DLG2: variants seen among roughly 807,000 people sequenced by gnomAD.
DLG2 encodes disks large homolog 2.
In DLG2, 45 loss-of-function variants were observed where a neutral mutation model predicts 132.5. The ratio of observed to expected loss-of-function variants is 0.34; its 90% CI spans 0.27 to 0.44. The LOEUF is 0.44. Among genes scored for constraint, DLG2 ranks in the 20% least tolerant of loss-of-function variants. The pLI, the probability that DLG2 is intolerant of heterozygous loss-of-function variation, is 1.00. For missense variants in DLG2, 1,045 were observed against 1,196.9 expected (o/e 0.87, Z 1.87); for synonymous variants, 424 against 419.6 (o/e 1.01, Z -0.13).
chr11:85,491,134 C>T (rs1470248273), intron 3 of DLG2, among the ~76,000 whole-genome samples: 1 of 151,920 alleles, frequency 6.6e-6, no homozygotes, highest in Non-Finnish European at 1.5e-5. Flanking sequence ...ATGCAACAAA[C>T]GTGATACCTT....
intron 21 of DLG2, among the ~76,000 whole-genome samples, chr11:83,500,975 C>T (rs2094427299): frequency 6.6e-6 from 1 of 152,042 alleles, no homozygotes; most frequent in African/African-American, 2.4e-5. Flanking sequence ...TTTCAAAATA[C>T]TATGGCTTAT....
intron 18 of DLG2, among the ~76,000 whole-genome samples, chr11:83,777,232 T>C (rs1262594035): frequency 6.6e-6 from 1 of 152,166 alleles, no homozygotes; most frequent in Non-Finnish European, 1.5e-5. Context: ...ACATGATAAA[T>C]GTGAGGAAGC....
At chr11:83,678,843 A>AT (rs2078228764) in intron 18 of DLG2, among the ~76,000 whole-genome samples, 1 of 152,162 alleles carries the variant, frequency 6.6e-6, no homozygotes, top group African/African-American at 2.4e-5. Flanking sequence ...TTTATGTTTC[A>AT]TTTTTTATAT....
chr11:84,910,131 G>A (rs1281800707), intron 6 of DLG2, among the ~76,000 whole-genome samples: 1 of 152,226 alleles, frequency 6.6e-6, no homozygotes, highest in Admixed American at 6.5e-5. Context: ...TCTTCCTAAT[G>A]AGAATGGGCA....
intron 7 of DLG2, among the ~76,000 whole-genome samples, chr11:84,487,132 G>C (rs924341659): frequency 2.6e-5 from 4 of 151,964 alleles, no homozygotes; most frequent in African/African-American, 9.7e-5. Flanking sequence ...AAAAACTATG[G>C]GAAAAGGTAC....
chr11:83,969,872 C>T (rs768199418), intron 12 of DLG2, among the ~76,000 whole-genome samples: 104 of 151,590 alleles, frequency 6.9e-4, no homozygotes, highest in African/African-American at 2.2e-3. Context: ...CACACCTGGC[C>T]GATAATGAAT....
chr11:85,062,366 G>C (rs1324714809), intron 6 of DLG2, among the ~76,000 whole-genome samples: 1 of 151,716 alleles, frequency 6.6e-6, no homozygotes, highest in Non-Finnish European at 1.5e-5. Context: ...ATTTGTAATA[G>C]ATAGACTTTA....
chr11:83,786,493 C>T (rs1358044419), intron 18 of DLG2, 197 bp downstream of exon 18: 2 of 536,746 alleles, frequency 3.7e-6, no homozygotes, highest in Non-Finnish European at 6.7e-6. Flanking sequence ...TTTCTAACTG[C>T]TTGATATTTT....
intron 6 of DLG2, among the ~76,000 whole-genome samples, chr11:84,970,341 C>A (rs1173543729): frequency 6.6e-6 from 1 of 152,128 alleles, no homozygotes; most frequent in Non-Finnish European, 1.5e-5. Context: ...AAGACTGATA[C>A]ATCTACAGAT....
chr11:84,962,591 T>G lies in DLG2; in HGVS notation c.357+149070A>C, dbSNP rs577223288. ...CATGTCCCTAGCACAATGCCAGGCA[T>G]GCATTTCAATAAATATTTGACAAGA... is the stretch of plus-strand genomic sequence containing the variant. On this transcript the variant is annotated intron_variant, in intron 6 of 27. Coordinates refer to ENST00000376104, the MANE Select transcript of DLG2 (RefSeq NM_001142699.3). 7.9e-5 allele frequency among the ~76,000 whole-genome samples: 12 copies of G among 152,340 alleles called. No individual in the cohort carries two copies. In the South Asian group the frequency reaches 2.3e-3, roughly 29 times the overall value.
At chr11:83,566,868 T>G (rs1396744710) in intron 19 of DLG2, among the ~76,000 whole-genome samples, 1 of 152,052 alleles carries the variant, frequency 6.6e-6, no homozygotes, top group Non-Finnish European at 1.5e-5. Flanking sequence ...AAAGCTTATA[T>G]GAGAGTAAAT....
At chr11:83,633,347 G>A in intron 18 of DLG2, 22 bp from the exon 19 acceptor site, 1 of 1,602,272 alleles carries the variant, frequency 6.2e-7, no homozygotes, top group Non-Finnish European at 8.5e-7. Context: ...AACAAAGGTA[G>A]CAAATTTTGC....
At chr11:83,876,434 T>C (rs2064804689) in intron 15 of DLG2, among the ~76,000 whole-genome samples, 1 of 152,104 alleles carries the variant, frequency 6.6e-6, no homozygotes, top group South Asian at 2.1e-4. Context: ...AAATATATTT[T>C]CTATTACAAA....
At chr11:84,930,080 A>G (rs148208072) in intron 6 of DLG2, among the ~76,000 whole-genome samples, 85 of 152,226 alleles carry the variant, frequency 5.6e-4, no homozygotes, top group African/African-American at 2.0e-3. Context: ...GACATATCTT[A>G]ACCAATAAAG....
At chr11:84,820,486 A>C (rs1334917258) in intron 6 of DLG2, among the ~76,000 whole-genome samples, 1 of 151,854 alleles carries the variant, frequency 6.6e-6, no homozygotes, top group African/African-American at 2.4e-5. Context: ...AGGATACAGG[A>C]AAAATCCCCT....
At chr11:85,387,521 T>C (rs2152940105) in intron 3 of DLG2, among the ~76,000 whole-genome samples, 1 of 152,320 alleles carries the variant, frequency 6.6e-6, no homozygotes, top group Non-Finnish European at 1.5e-5. Flanking sequence ...AGGGCCACAA[T>C]ATGGATCCTA....
intron 18 of DLG2, chr11:83,681,750 C>T (rs1477483658): frequency 6.6e-6 from 1 of 152,204 alleles, no homozygotes; most frequent in Non-Finnish European, 1.5e-5. Flanking sequence ...GGTTACCAGG[C>T]AAACAGTCTG....
chr11:84,517,959 G>A (rs1484668461), intron 7 of DLG2, among the ~76,000 whole-genome samples: 1 of 151,948 alleles, frequency 6.6e-6, no homozygotes, highest in East Asian at 1.9e-4. Flanking sequence ...TGATCTCATA[G>A]AAGTAGAGAG....
chr11:85,350,979 A>G (rs2083245913), intron 3 of DLG2, among the ~76,000 whole-genome samples: 1 of 152,174 alleles, frequency 6.6e-6, no homozygotes. Flanking sequence ...GATGGCATTG[A>G]ATCTGTAAAT....
Sources: allele counts gnomAD v4.1 joint callset (sites outside exome capture counted in the v4.1 genomes callset), GRCh38; gene constraint gnomAD v4.1.1; transcripts MANE v1.5; gene names NCBI Gene and HGNC (gene_info 2026-07-23, HGNC 2026-07-21).